The following NPL variants were observed in gnomAD, a reference collection of about 807,000 sequenced individuals.
The protein encoded by NPL is N-acetylneuraminate pyruvate lyase, also known as N-acetylneuraminate lyase.
NPL carries 32 observed loss-of-function variants against 41.1 expected under a neutral mutation model. The ratio of observed to expected loss-of-function variants is 0.78; its 90% confidence interval spans 0.59 to 1.05. NPL has a LOEUF of 1.05. NPL is among the 50% of genes least tolerant of loss of function. NPL has a pLI of 0.00. For synonymous variants in NPL, 128 were observed against 134.9 expected (o/e 0.95, Z 0.35); for missense variants, 321 against 378.4 (o/e 0.85, Z 1.26).
At chr1:182,797,450 G>C (rs1009483888) in intron 3 of NPL, among the ~76,000 whole-genome samples, 3 of 152,098 alleles carry the variant, frequency 2.0e-5, no homozygotes, top group African/African-American at 7.2e-5. Flanking sequence ...GAGATGAGCC[G>C]GTCTAAAGAT....
At chr1:182,792,592 G>A (rs1211008478) in intron 2 of NPL, among the ~76,000 whole-genome samples, 1 of 152,194 alleles carries the variant, frequency 6.6e-6, no homozygotes, top group Non-Finnish European at 1.5e-5. Flanking sequence ...CACATCTTAT[G>A]ATTTATTATC....
chr1:182,802,279 C>T (rs1666869326), intron 3 of NPL, among the ~76,000 whole-genome samples: 1 of 152,226 alleles, frequency 6.6e-6, no homozygotes, highest in African/African-American at 2.4e-5. Context: ...CACACCTTTT[C>T]CCAAGTGGCA....
chr1:182,795,185 C>T (rs528327281), intron 3 of NPL, among the ~76,000 whole-genome samples: 2 of 152,144 alleles, frequency 1.3e-5, no homozygotes, highest in South Asian at 2.1e-4. Context: ...GTTCATCCAC[C>T]TCCTGGATCT....
chr1:182,808,912 A>G (rs928336993), intron 5 of NPL, among the ~76,000 whole-genome samples: 1 of 151,410 alleles, frequency 6.6e-6, no homozygotes, highest in African/African-American at 2.4e-5. Context: ...GTGAGCCAAA[A>G]TCACACTACT....
At chr1:182,796,185 A>AAAAG (rs1184306313) in intron 3 of NPL, among the ~76,000 whole-genome samples, 1 of 150,148 alleles carries the variant, frequency 6.7e-6, no homozygotes, top group African/African-American at 2.5e-5. Context: ...AAAAAAAAAA[A>AAAAG]AGAATGCATT....
intron 3 of NPL, among the ~76,000 whole-genome samples, 166 bp from the exon 4 acceptor site, chr1:182,803,532 G>C (rs183525833): frequency 1.4e-5 from 2 of 147,692 alleles, no homozygotes; most frequent in African/African-American, 5.3e-5. Context: ...CCAGATTCAG[G>C]GGGGGAAAAA....
intron 8 of NPL, 124 bp from the exon 9 acceptor site, chr1:182,818,417 C>A: frequency 8.3e-7 from 1 of 1,202,720 alleles, no homozygotes; most frequent in Non-Finnish European, 1.2e-6. Context: ...AGTGATTATG[C>A]CTAGTCTGCA....
At chr1:182,803,598 A>C in intron 3 of NPL, 100 bp from the exon 4 acceptor site, 1 of 796,126 alleles carries the variant, frequency 1.3e-6, no homozygotes, top group Middle Eastern at 2.3e-4. Context: ...GTGGATTTTT[A>C]ATAACTATTA....
In NPL at chr1:182,829,713, T is replaced by C; in HGVS notation, c.*805T>C. Reference sequence around the variant, plus strand: ...TCTCTCCCGCAGGACCCTGAATTATTGAAATCGAAGGCTGACTTCCTTTCT... The same window carrying C: ...TCTCTCCCGCAGGACCCTGAATTATCGAAATCGAAGGCTGACTTCCTTTCT... On this transcript the variant is annotated 3_prime_UTR_variant, in exon 13 of 13. Coordinates refer to ENST00000367553, the MANE Select transcript of NPL (RefSeq NM_030769.3). 1 of 1,336,588 alleles carries C rather than the reference T, an allele frequency of 7.5e-7. No homozygotes were observed. The highest frequency in any genetic ancestry group is 1.5e-5 in the African/African-American group (1 of 68,754). The allele number at this position is 1,336,588 out of a possible 1,614,324, so 82.8% of individuals were successfully genotyped here. A position where few individuals can be genotyped will look rare whatever the true frequency, so the allele number is the denominator to read the frequency against.
intron 3 of NPL, among the ~76,000 whole-genome samples, chr1:182,800,966 G>A (rs1358082864): frequency 6.6e-6 from 1 of 151,996 alleles, no homozygotes; most frequent in Non-Finnish European, 1.5e-5. Flanking sequence ...TTGACCTCAA[G>A]TGACCCACCC....
At chr1:182,796,001 C>T (rs1030270595) in intron 3 of NPL, among the ~76,000 whole-genome samples, 8 of 151,968 alleles carry the variant, frequency 5.3e-5, no homozygotes, top group African/African-American at 9.7e-5. Context: ...CCTGTTTTGC[C>T]GTTTTCCTGG....
intron 3 of NPL, among the ~76,000 whole-genome samples, chr1:182,802,934 C>T (rs968020879): frequency 1.4e-4 from 22 of 152,146 alleles, no homozygotes; most frequent in African/African-American, 5.3e-4. Context: ...ATAAAGTCCC[C>T]CAGATGCTGA....
chr1:182,799,509 G>A (rs1666771104), intron 3 of NPL, among the ~76,000 whole-genome samples: 1 of 151,876 alleles, frequency 6.6e-6, no homozygotes, highest in African/African-American at 2.4e-5. Flanking sequence ...AAACTAAGAG[G>A]AATCATCTCC....
intron 3 of NPL, among the ~76,000 whole-genome samples, chr1:182,798,122 G>T (rs941108987): frequency 1.3e-5 from 2 of 152,020 alleles, no homozygotes; most frequent in Non-Finnish European, 2.9e-5. Context: ...AAGAAACGGA[G>T]ATCCTAAAGG....
intron 4 of NPL, 58 bp from the exon 5 acceptor site, chr1:182,806,087 G>A (rs1192777780): frequency 2.2e-5 from 36 of 1,607,414 alleles, no homozygotes; most frequent in Non-Finnish European, 2.9e-5. Context: ...TTTCAGACTC[G>A]GGGTTGGAGA....
intron 3 of NPL, among the ~76,000 whole-genome samples, chr1:182,797,924 GC>G (rs1224961680): frequency 6.6e-6 from 1 of 152,186 alleles, no homozygotes; most frequent in East Asian, 1.9e-4. Flanking sequence ...AGTTGTGGTA[GC>G]TTTTGTTATT....
intron 7 of NPL, among the ~76,000 whole-genome samples, chr1:182,815,889 C>T (rs772433330): frequency 6.6e-6 from 1 of 152,208 alleles, no homozygotes; most frequent in Non-Finnish European, 1.5e-5. Context: ...AGGCATGAGC[C>T]ACTGTGTCCA....
At chr1:182,793,405 T>C (rs980803119) in intron 2 of NPL, among the ~76,000 whole-genome samples, 4 of 152,148 alleles carry the variant, frequency 2.6e-5, no homozygotes, top group South Asian at 2.1e-4. Flanking sequence ...GTTGGACTCT[T>C]CCAGCAGTGC....
chr1:182,819,212 T>G (rs1348326650), intron 10 of NPL, among the ~76,000 whole-genome samples: 1 of 152,138 alleles, frequency 6.6e-6, no homozygotes, highest in Non-Finnish European at 1.5e-5. Context: ...ATCCCAACAC[T>G]TTGGGAGGCC....
Sources: gnomAD v4.1 joint callset for allele counts (sites outside exome capture counted in the v4.1 genomes callset) on GRCh38, gnomAD v4.1.1 for gene constraint, MANE v1.5 for transcripts, NCBI Gene and HGNC (gene_info 2026-07-23, HGNC 2026-07-21) for gene names.